The following IPO4 variants were observed in gnomAD, a reference collection of about 807,000 sequenced individuals.
The protein encoded by IPO4 is importin-4.
Under a neutral mutation model 133.5 loss-of-function variants are expected in IPO4, and 91 were observed. That is an observed-to-expected ratio of 0.68 (90% CI 0.58 to 0.81). IPO4 has a LOEUF of 0.81. Among genes scored for constraint, IPO4 ranks in the 30% least tolerant of loss-of-function variants. The pLI is 0.00. For synonymous variants in IPO4, 607 were observed against 581.6 expected, an observed-to-expected ratio of 1.04 and a Z score of -0.63; for missense variants, 1,279 against 1,386.2, an observed-to-expected ratio of 0.92 and a Z score of 1.23.
In IPO4 at chr14:24,183,363, A is replaced by AT. The variant is rs1377522623; in HGVS notation, c.2122-9dup. 1 of 1,605,152 alleles carries AT rather than the reference A, an allele frequency of 6.2e-7. No homozygotes were observed. The highest frequency in any genetic ancestry group is 2.2e-5 in the East Asian group (1 of 44,726). ...CACATTCAGGTGAGGGCACTGCAGG[A>AT]TGAGGAGGGGCGGGATATGTCTGCT... On this transcript the variant is annotated splice_polypyrimidine_tract_variant and intron_variant, in intron 21 of 29. Coordinates refer to ENST00000354464, the MANE Select transcript of IPO4 (RefSeq NM_024658.4).
chr14:24,182,423 G>A lies in IPO4; in HGVS notation c.2473-20C>T. On this transcript the variant is annotated intron_variant, in intron 24 of 29. Transcript: ENST00000354464. ...TTCAGCCTGTGGAGCCAGGTCAGGG[G>A]CTGGAGCACCAGGGCCAGCTCAGTG... 1 of 1,592,560 alleles carries A rather than the reference G, an allele frequency of 6.3e-7. No individual in the cohort carries two copies.
chr14:24,188,068 T>C (rs528329030), intron 4 of IPO4, 148 bp downstream of exon 4: 11 of 879,018 alleles, frequency 1.3e-5, no homozygotes, highest in South Asian at 4.8e-5. Context: ...TCAAGAACTT[T>C]AGTCTTCAAA....
intron 12 of IPO4, 121 bp from the exon 13 acceptor site, chr14:24,185,688 G>A: frequency 1.0e-6 from 1 of 1,002,420 alleles, no homozygotes; most frequent in Non-Finnish European, 1.5e-6. Context: ...AGGGTGGGCA[G>A]CAGCCCCTGG....
Position 24,184,870 on chromosome 14 carries a change from T to C in IPO4, c.1519A>G (p.Ile507Val). 6.2e-7 allele frequency: 1 copy of C among 1,613,730 alleles called. No homozygotes were observed. The highest frequency in any genetic ancestry group is 8.5e-7 in the Non-Finnish European group (1 of 1,179,782). ...TGCCTCCTGCCTCTCTCCTCACCAA[T>C]GGCTCCCAGGGCGCTCACAGCCAGC... is the stretch of plus-strand genomic sequence containing the variant. ...KELAVSALGA[I>V]ATAAQASLLP... The change falls in exon 15 of 30, where the codon ATT (isoleucine) becomes GTT (valine). Residue 507 changes from isoleucine (I) to valine (V), a missense_variant. Ile to Val is a conservative substitution (Grantham distance 29). Around this residue, in one of 3 missense-constraint regions of IPO4, gnomAD observed 695 missense variants for 704.1 expected, o/e 0.99. Transcript: ENST00000354464.
At chr14:24,186,546 C>G (rs751027718) in intron 9 of IPO4, 95 bp from the exon 10 acceptor site, 1 of 1,454,814 alleles carries the variant, frequency 6.9e-7, no homozygotes, top group Non-Finnish European at 9.3e-7. Flanking sequence ...AGGGGTCTGA[C>G]AGAAAATTCC....
Position 24,183,650 on chromosome 14 carries a change from G to A in IPO4, c.2003C>T (p.Ala668Val). The A allele has an allele frequency of 2.5e-6, 4 of 1,614,114 alleles. No homozygotes were observed. The highest frequency in any genetic ancestry group is 2.5e-6 in the Non-Finnish European group (3 of 1,180,010). Residue 668 changes from alanine (A) to valine (V), a missense_variant, in exon 20 of 30, where the codon GCC (alanine) becomes GTC (valine). Physicochemically the swap from Ala to Val is moderately conservative, Grantham distance 64. Transcript: ENST00000354464. ...GGTGTCTTCCTTCTCATCGAAGAAG[G>A]CATTCTCCACGCTGTACCTAGAGTA... ...SEISGYSVEN[A>V]FFDEKEDTCA...
rs755484199 is a variant in IPO4, at chr14:24,187,596, G to A, written c.409-17C>T. Reference sequence around the variant, plus strand: ...AAGCCCCATCTGTCCAAGAATAGAGGATGGGAGAGCAAGCTTACAAGGTCT... The same window carrying A: ...AAGCCCCATCTGTCCAAGAATAGAGAATGGGAGAGCAAGCTTACAAGGTCT... On this transcript the variant is annotated splice_polypyrimidine_tract_variant and intron_variant, in intron 5 of 29. Coordinates refer to ENST00000354464, the MANE Select transcript of IPO4 (RefSeq NM_024658.4). 4.3e-6 allele frequency: 7 copies of A among 1,614,092 alleles called. No homozygotes were observed. The highest frequency in any genetic ancestry group is 3.3e-4 in the Middle Eastern group (2 of 6,062).
In IPO4 at chr14:24,183,525, GAC is replaced by G. The variant is rs1321657268; in HGVS notation, c.2064-14_2064-13del. On this transcript the variant is annotated splice_polypyrimidine_tract_variant and intron_variant, in intron 20 of 29. Transcript: ENST00000354464. ...GAAGGAAGGCCACACTACAGAGAGA[GAC>G]ACAGCCGTGGGTAAGGGGCCCCCAG... 2 of 1,613,890 alleles carry G rather than the reference GAC, an allele frequency of 1.2e-6. No individual in the cohort carries two copies. Among genetic ancestry groups the G allele is most frequent in the Non-Finnish European group, 1.7e-6 (2 of 1,179,970 alleles).
chr14:24,187,170 G>C lies in IPO4; in HGVS notation c.589-20C>G, dbSNP rs778885486. ...GAGAGGCTGAGGGACACATCACAGA[G>C]AGCATGATGCAGCCCAATCTCACAC... On this transcript the variant is annotated intron_variant, in intron 6 of 29. Transcript: ENST00000354464. 1 of 1,611,450 alleles carries C rather than the reference G, an allele frequency of 6.2e-7. No individual in the cohort carries two copies. The highest frequency in any genetic ancestry group is 8.5e-7 in the Non-Finnish European group (1 of 1,178,064).
At position 24,184,328 on chromosome 14, in the gene IPO4, T is replaced by C. The variant is rs1398771360; in HGVS notation, c.1727A>G (p.Gln576Arg). 1.9e-6 allele frequency: 3 copies of C among 1,589,294 alleles called. No homozygotes were observed. Among genetic ancestry groups the C allele is most frequent in the South Asian group, 2.3e-5 (2 of 87,912 alleles). ...GCGCCGCAAGTCAGGGTCGTCTACC[T>C]GGTCGCAGAGGCCCAGACCCAGCTG... ...CCQLGLGLCDQVDDPDLRRCT... is the reference protein window; with the variant it reads ...CCQLGLGLCDRVDDPDLRRCT... Residue 576 changes from glutamine (Q) to arginine (R), a missense_variant, in exon 17 of 30, where the codon CAG (glutamine) becomes CGG (arginine). Physicochemically the swap from Gln to Arg is conservative, Grantham distance 43 (BLOSUM62 1). This residue lies in a region of IPO4 where 575 missense variants were observed against 653.4 expected (regional missense o/e 0.88). Transcript: ENST00000354464.
chr14:24,184,537 C>A, intron 16 of IPO4, 113 bp downstream of exon 16: 2 of 1,430,006 alleles, frequency 1.4e-6, no homozygotes, highest in South Asian at 1.4e-5. Context: ...TGAAGCACAC[C>A]CCTTTGATGA....
At chr14:24,182,635 A>C (rs2039158949) in intron 24 of IPO4, 157 bp downstream of exon 24, 2 of 988,284 alleles carry the variant, frequency 2.0e-6, no homozygotes, top group South Asian at 2.7e-5. Flanking sequence ...CTGAACTCCC[A>C]CTGGCTTAGT....
chr14:24,186,150 G>C lies in IPO4; in HGVS notation c.1038C>G (p.Pro346=). 1 of 1,613,948 alleles carries C rather than the reference G, an allele frequency of 6.2e-7. No individual in the cohort carries two copies. Among genetic ancestry groups the C allele is most frequent in the South Asian group, 1.1e-5 (1 of 91,066 alleles). Residue 346 remains proline, a synonymous_variant, in exon 11 of 30, where the codon CCC becomes CCG. Transcript: ENST00000354464. ...TTACCAGCTGGGGACAGAGCTTCTCGGGGGGCAGGTGTAGTGCCAGCATGT... is the reference window on the plus strand; with the variant it reads ...TTACCAGCTGGGGACAGAGCTTCTCCGGGGGCAGGTGTAGTGCCAGCATGT... The part of the protein sequence containing the change: ...VVDMLALHLP[P]EKLCPQLMPM...
chr14:24,184,289 G>T lies in IPO4; in HGVS notation c.1757+9C>A, dbSNP rs1342189572. The T allele has an allele frequency of 6.3e-7, 1 of 1,579,154 alleles. No homozygotes were observed. On this transcript the variant is annotated intron_variant, in intron 17 of 29. Coordinates refer to ENST00000354464, the MANE Select transcript of IPO4 (RefSeq NM_024658.4). ...GACAAGGGCAGAGGCAGGGTGAGGG[G>T]TCACTCACGTGCAGCGCCGCAAGTC...
chr14:24,184,856 T>C lies in IPO4; in HGVS notation c.1522+11A>G. On this transcript the variant is annotated intron_variant, in intron 15 of 29. Transcript: ENST00000354464. ...GAACCCCACATCCCTGCCTCCTGCC[T>C]CTCTCCTCACCAATGGCTCCCAGGG... is the stretch of plus-strand genomic sequence containing the variant. 1.4e-5 allele frequency: 23 copies of C among 1,612,676 alleles called. No individual in the cohort carries two copies. The highest frequency in any genetic ancestry group is 2.0e-5 in the Non-Finnish European group (23 of 1,178,942).
At chr14:24,183,561 T>C in intron 20 of IPO4, 29 bp downstream of exon 20, 1 of 1,614,046 alleles carries the variant, frequency 6.2e-7, no homozygotes, top group Non-Finnish European at 8.5e-7. Context: ...AGGCAGGGTT[T>C]TCAGTGCCAG....
At chr14:24,183,537 G>A (rs1278903578) in intron 20 of IPO4, 24 bp from the exon 21 acceptor site, 1 of 1,613,960 alleles carries the variant, frequency 6.2e-7, no homozygotes, top group Non-Finnish European at 8.5e-7. Flanking sequence ...CACAGCCGTG[G>A]GTAAGGGGCC....
chr14:24,183,331 C>G lies in IPO4; in HGVS notation c.2146G>C (p.Ala716Pro). 1.2e-6 allele frequency: 2 copies of G among 1,612,050 alleles called. No homozygotes were observed. The highest frequency in any genetic ancestry group is 1.1e-5 in the South Asian group (1 of 90,572). The change falls in exon 22 of 30, where the codon GCA becomes CCA. Residue 716 changes from alanine (A) to proline (P), a missense_variant. This residue lies in a region of IPO4 where 575 missense variants were observed against 653.4 expected (regional missense o/e 0.88). Transcript: ENST00000354464. ...LECPHLNVRK[A>P]AHEALGQFCC... ...AACTGACCCAGAGCCTCATGGGCTG[C>G]CTTCCGCACATTCAGGTGAGGGCAC...
At chr14:24,185,755 TGGG>T in intron 12 of IPO4, 103 bp downstream of exon 12, 3 of 1,011,840 alleles carry the variant, frequency 3.0e-6, no homozygotes, top group Non-Finnish European at 4.6e-6. Flanking sequence ...CTTTTGATAA[TGGG>T]GGGAAACGCT....
Sources: gnomAD v4.1 joint callset for allele counts on GRCh38, gnomAD v4.1.1 for gene constraint, gnomAD v4.1.1 regional missense constraint, MANE v1.5 for transcripts, NCBI Gene and HGNC (gene_info 2026-07-23, HGNC 2026-07-21) for gene names.